Variants in ABTB3 observed in about 807,000 individuals in gnomAD.
ABTB3 encodes the protein ankyrin repeat- and BTB/POZ domain-containing protein 3.
chr12:107,592,011 A>G, the ABTB3 span, among the ~76,000 whole-genome samples: 1 of 152,218 alleles, frequency 6.6e-6, no homozygotes, highest in Non-Finnish European at 1.5e-5. Flanking sequence ...TGTGAAAGTC[A>G]CTTTTGCACT....
the ABTB3 span, among the ~76,000 whole-genome samples, chr12:107,424,131 A>G: frequency 2.0e-5 from 3 of 152,230 alleles, no homozygotes; most frequent in Non-Finnish European, 4.4e-5. Context: ...GTGAAAAACA[A>G]CAATAACAAC....
the ABTB3 span, among the ~76,000 whole-genome samples, chr12:107,502,588 G>T: frequency 6.6e-6 from 1 of 151,930 alleles, no homozygotes; most frequent in Non-Finnish European, 1.5e-5. Flanking sequence ...TTTAAATCGG[G>T]GTCCCCAAAC....
chr12:107,617,821 T>A, the ABTB3 span: 1 of 366,702 alleles, frequency 2.7e-6, no homozygotes, highest in Non-Finnish European at 4.9e-6. Context: ...CCTCTGATCA[T>A]CAGCTTTTAT....
the ABTB3 span, among the ~76,000 whole-genome samples, chr12:107,635,867 C>A: frequency 1.9e-5 from 2 of 104,272 alleles, no homozygotes; most frequent in East Asian, 3.3e-4. Flanking sequence ...CCCCCCCACC[C>A]ACCCACACAC....
At chr12:107,480,747 G>C in the ABTB3 span, among the ~76,000 whole-genome samples, 4 of 152,222 alleles carry the variant, frequency 2.6e-5, no homozygotes, top group South Asian at 6.2e-4. Context: ...GCACAAATGG[G>C]ATTGGTCATG....
At chr12:107,476,813 G>T in the ABTB3 span, among the ~76,000 whole-genome samples, 3 of 137,650 alleles carry the variant, frequency 2.2e-5, no homozygotes, top group Non-Finnish European at 4.6e-5. Flanking sequence ...AATGCATGAA[G>T]TGTGTGTGTG....
At chr12:107,444,982 G>A in the ABTB3 span, among the ~76,000 whole-genome samples, 2 of 152,180 alleles carry the variant, frequency 1.3e-5, no homozygotes, top group Non-Finnish European at 1.5e-5. Context: ...GGTCCACGTG[G>A]AGCTGGCTGA....
the ABTB3 span, among the ~76,000 whole-genome samples, chr12:107,466,300 G>C: frequency 1.3e-5 from 2 of 152,070 alleles, no homozygotes; most frequent in African/African-American, 4.8e-5. Context: ...AGAGGGCAGA[G>C]GGAAGTGAGG....
At chr12:107,358,490 G>T in the ABTB3 span, among the ~76,000 whole-genome samples, 2 of 152,180 alleles carry the variant, frequency 1.3e-5, no homozygotes, top group African/African-American at 2.4e-5. Flanking sequence ...ACAGGTAATG[G>T]GGTGGAGTTT....
the ABTB3 span, among the ~76,000 whole-genome samples, chr12:107,495,667 C>A: frequency 2.0e-5 from 3 of 152,168 alleles, no homozygotes; most frequent in African/African-American, 7.2e-5. Flanking sequence ...TTCAGGGAAG[C>A]CCTTCTGTAT....
chr12:107,584,208 A>C, the ABTB3 span, among the ~76,000 whole-genome samples: 2 of 152,240 alleles, frequency 1.3e-5, no homozygotes, highest in Non-Finnish European at 1.5e-5. Context: ...GGATCAAAGA[A>C]GTTTTGTTCA....
chr12:107,623,358 C>CTTTTTTTTTTTTTTTTTTT, the ABTB3 span, among the ~76,000 whole-genome samples: 1 of 69,624 alleles, frequency 1.4e-5, no homozygotes, highest in Non-Finnish European at 2.7e-5. Flanking sequence ...CACGCCTGGC[C>CTTTTTTTTTTTTTTTTTTT]TTTTTTTTTT....
At chr12:107,456,337 C>T in the ABTB3 span, among the ~76,000 whole-genome samples, 1 of 152,158 alleles carries the variant, frequency 6.6e-6, no homozygotes, top group Admixed American at 6.5e-5. Context: ...GGCAAGCAAG[C>T]GAAGCTTCAT....
the ABTB3 span, among the ~76,000 whole-genome samples, chr12:107,334,077 T>G: frequency 3.9e-4 from 60 of 151,992 alleles, no homozygotes; most frequent in African/African-American, 1.3e-3. Context: ...GAGCCAAGAG[T>G]AATGAAAGGT....
At chr12:107,482,997 C>T in the ABTB3 span, among the ~76,000 whole-genome samples, 185 of 82,368 alleles carry the variant, frequency 2.2e-3, 1 homozygote, top group African/African-American at 9.4e-3. Flanking sequence ...TCCTTCCTTC[C>T]TTCCTTCCTT....
chr12:107,601,962 G>A, the ABTB3 span, among the ~76,000 whole-genome samples: 2 of 152,258 alleles, frequency 1.3e-5, no homozygotes, highest in East Asian at 1.9e-4. Context: ...GGATGAACCC[G>A]GGCAGCCTGG....
chr12:107,535,314 G>A, the ABTB3 span, among the ~76,000 whole-genome samples: 1 of 152,210 alleles, frequency 6.6e-6, no homozygotes, highest in East Asian at 1.9e-4. Context: ...CACACCCACA[G>A]CTAACATTAT....
At chr12:107,617,367 G>T in the ABTB3 span, 3 of 1,614,056 alleles carry the variant, frequency 1.9e-6, no homozygotes, top group African/African-American at 4.0e-5. Flanking sequence ...ACCATGTACA[G>T]GAATGGAATT....
chr12:107,614,982 C>A, the ABTB3 span: 1 of 1,247,660 alleles, frequency 8.0e-7, no homozygotes, highest in African/African-American at 1.5e-5. Flanking sequence ...GCCCATGTGC[C>A]CAGCCACAGA....
Sources: gnomAD v4.1 joint callset for allele counts (sites outside exome capture counted in the v4.1 genomes callset) on GRCh38, gnomAD v4.1.1 for gene constraint, MANE v1.5 for transcripts, NCBI Gene and HGNC (gene_info 2026-07-23, HGNC 2026-07-21) for gene names.